NXPH1: variants seen among roughly 807,000 people sequenced by gnomAD.
NXPH1 encodes the protein neurexophilin 1, also known as neurexophilin-1.
NXPH1 carries 5 observed loss-of-function variants against 23.7 expected under a neutral mutation model. That is an observed-to-expected ratio of 0.21 (90% CI 0.11 to 0.44). The LOEUF (loss-of-function observed/expected upper bound fraction) is 0.44. NXPH1 is among the 20% of genes least tolerant of loss of function. The probability of loss-of-function intolerance (pLI) is 0.99; values close to 1 mark genes in which losing one functional copy is unlikely to be tolerated. For synonymous variants in NXPH1, 144 were observed against 122.2 expected (o/e 1.18, Z -1.18); for missense variants, 324 against 321.6 (o/e 1.01, Z -0.06).
chr7:8,634,283 T>C (rs1028727518), intron 2 of NXPH1, among the ~76,000 whole-genome samples: 1 of 152,102 alleles, frequency 6.6e-6, no homozygotes, highest in African/African-American at 2.4e-5. Context: ...AAAGGGCGGT[T>C]CCCCTGCACA....
intron 2 of NXPH1, among the ~76,000 whole-genome samples, chr7:8,691,414 G>A (rs1004917016): frequency 1.1e-4 from 16 of 152,156 alleles, no homozygotes; most frequent in African/African-American, 3.9e-4. Flanking sequence ...CTCCCAAAGT[G>A]CTGGGATCAT....
At chr7:8,522,826 A>G (rs1817795175) in intron 2 of NXPH1, among the ~76,000 whole-genome samples, 1 of 152,112 alleles carries the variant, frequency 6.6e-6, no homozygotes, top group South Asian at 2.1e-4. Flanking sequence ...CAGTGATTAT[A>G]TTATGATCTG....
At chr7:8,459,773 T>C (rs1392064969) in intron 2 of NXPH1, among the ~76,000 whole-genome samples, 3 of 152,180 alleles carry the variant, frequency 2.0e-5, no homozygotes, top group African/African-American at 7.2e-5. Context: ...TAAAATCCCA[T>C]TATGAAGTCT....
At position 8,475,777 on chromosome 7, in the gene NXPH1, T is replaced by C. The variant is rs530769871; in HGVS notation, c.54+40010T>C. Among the ~76,000 whole-genome samples the C allele has an allele frequency of 9.8e-5, 15 of 152,328 alleles. No homozygotes were observed. In the East Asian group the frequency reaches 2.7e-3, roughly 27 times the overall value. ...TTTGCTCCTGTTAAAATAAGAAGGATATAATATCACATATATAATTATTGA... is the reference window on the plus strand; with the variant it reads ...TTTGCTCCTGTTAAAATAAGAAGGACATAATATCACATATATAATTATTGA... On this transcript the variant is annotated intron_variant, in intron 2 of 2. Coordinates refer to ENST00000405863, the MANE Select transcript of NXPH1 (RefSeq NM_152745.3).
chr7:8,670,904 C>T (rs970399315), intron 2 of NXPH1, among the ~76,000 whole-genome samples: 2 of 152,152 alleles, frequency 1.3e-5, no homozygotes, highest in South Asian at 4.1e-4. Flanking sequence ...AATCCATACA[C>T]AGTGTATTAG....
intron 2 of NXPH1, among the ~76,000 whole-genome samples, chr7:8,675,413 A>G (rs900234952): frequency 6.6e-6 from 1 of 152,164 alleles, no homozygotes; most frequent in African/African-American, 2.4e-5. Context: ...ACCAGAATTG[A>G]TATACAATGT....
intron 2 of NXPH1, among the ~76,000 whole-genome samples, chr7:8,528,206 CT>C (rs1281650293): frequency 6.6e-6 from 1 of 152,230 alleles, no homozygotes; most frequent in Admixed American, 6.5e-5. Context: ...CCCTCCTCCC[CT>C]GAAGGGCAAG....
At position 8,706,467 on chromosome 7, in the gene NXPH1, C is replaced by T. The variant is rs145804970; in HGVS notation, c.55-44541C>T. Among the ~76,000 whole-genome samples, 126 of 152,222 alleles carry T rather than the reference C, an allele frequency of 8.3e-4. 1 individual carries two copies. The highest frequency in any genetic ancestry group is 1.6e-3 in the Non-Finnish European group (106 of 68,018). On this transcript the variant is annotated intron_variant, in intron 2 of 2. Coordinates refer to ENST00000405863, the MANE Select transcript of NXPH1 (RefSeq NM_152745.3). ...ATAGTTGAGTGCCAAGAGAAAAACTCGATTGAGGTACTTGAGTGATCCGTT... is the reference window on the plus strand; with the variant it reads ...ATAGTTGAGTGCCAAGAGAAAAACTTGATTGAGGTACTTGAGTGATCCGTT...
At chr7:8,679,033 C>T (rs962140823) in intron 2 of NXPH1, among the ~76,000 whole-genome samples, 10 of 147,114 alleles carry the variant, frequency 6.8e-5, no homozygotes, top group Non-Finnish European at 1.3e-4. Flanking sequence ...CTGCAAGCTC[C>T]GCCTCCCGGG....
intron 2 of NXPH1, among the ~76,000 whole-genome samples, chr7:8,531,947 C>A (rs554096859): frequency 6.6e-6 from 1 of 152,138 alleles, no homozygotes; most frequent in Non-Finnish European, 1.5e-5. Flanking sequence ...TCTGATCCTT[C>A]GTCTCCTTAG....
intron 2 of NXPH1, among the ~76,000 whole-genome samples, chr7:8,597,476 T>C (rs1819250963): frequency 6.6e-6 from 1 of 152,050 alleles, no homozygotes; most frequent in Non-Finnish European, 1.5e-5. Flanking sequence ...ATAAAGGTTG[T>C]ACAATTACTT....
rs759475618 is a variant in NXPH1, at chr7:8,541,548, C to G, written c.54+105781C>G. Among the ~76,000 whole-genome samples the G allele has an allele frequency of 6.6e-5, 10 of 151,410 alleles. 1 individual carries two copies. Among genetic ancestry groups the G allele is most frequent in the Admixed American group, 3.3e-4 (5 of 15,160 alleles). ...CACATCATAAACAAATTTATCAAAA[C>G]CAGTGATAAATATAAAGAGGGAAGG... On this transcript the variant is annotated intron_variant, in intron 2 of 2. Transcript: ENST00000405863.
At chr7:8,445,626 A>G (rs763612028) in intron 2 of NXPH1, among the ~76,000 whole-genome samples, 1 of 152,270 alleles carries the variant, frequency 6.6e-6, no homozygotes. Context: ...ACAAAGATTT[A>G]GAGAAAATTT....
intron 2 of NXPH1, among the ~76,000 whole-genome samples, chr7:8,440,504 A>G (rs1025635669): frequency 2.0e-5 from 3 of 152,170 alleles, no homozygotes; most frequent in African/African-American, 7.2e-5. Flanking sequence ...TTCTTCCTTA[A>G]TGAAAGTGTT....
At chr7:8,731,445 C>T (rs992482584) in intron 2 of NXPH1, among the ~76,000 whole-genome samples, 5 of 152,170 alleles carry the variant, frequency 3.3e-5, no homozygotes, top group African/African-American at 4.8e-5. Context: ...AGTTTTTCTG[C>T]TCTGTTTTTT....
chr7:8,510,201 T>G (rs569039383), intron 2 of NXPH1, among the ~76,000 whole-genome samples: 3 of 152,292 alleles, frequency 2.0e-5, no homozygotes, highest in East Asian at 3.9e-4. Context: ...GCCAGAGAGA[T>G]AAACTTGACA....
chr7:8,609,190 G>C (rs895183845), intron 2 of NXPH1, among the ~76,000 whole-genome samples: 54 of 152,118 alleles, frequency 3.5e-4, no homozygotes, highest in African/African-American at 1.2e-3. Context: ...GATGGTTAAT[G>C]TCTGCTAGCT....
rs1818086209 is a variant in NXPH1, at chr7:8,539,878, A to G, written c.54+104111A>G. The stretch of plus-strand genomic sequence containing the variant: ...CTTTGATAACTCTTGGAACCCAACA[A>G]GGAATATATGAGTTACAAATATTTT... On this transcript the variant is annotated intron_variant, in intron 2 of 2. Coordinates refer to ENST00000405863, the MANE Select transcript of NXPH1 (RefSeq NM_152745.3). 1.3e-5 allele frequency among the ~76,000 whole-genome samples: 2 copies of G among 151,938 alleles called. 1 individual carries two copies. Among genetic ancestry groups the G allele is most frequent in the South Asian group, 4.1e-4 (2 of 4,826 alleles).
chr7:8,551,013 A>C (rs1818268072), intron 2 of NXPH1, among the ~76,000 whole-genome samples: 1 of 151,476 alleles, frequency 6.6e-6, no homozygotes, highest in African/African-American at 2.4e-5. Flanking sequence ...TTTGTCTTCA[A>C]AGAATGTACA....
Sources: allele counts gnomAD v4.1 joint callset (sites outside exome capture counted in the v4.1 genomes callset), GRCh38; gene constraint gnomAD v4.1.1; transcripts MANE v1.5; gene names NCBI Gene and HGNC (gene_info 2026-07-23, HGNC 2026-07-21).